The following PKN2 variants were observed in gnomAD, a reference collection of about 807,000 sequenced individuals.
PKN2 encodes protein kinase N2, also known as serine/threonine-protein kinase N2.
Under a neutral mutation model 119.1 loss-of-function variants are expected in PKN2, and 38 were observed. That is an observed-to-expected ratio of 0.32 (90% CI 0.25 to 0.42). The LOEUF is 0.42. Among genes scored for constraint, PKN2 ranks in the 10% least tolerant of loss-of-function variants. PKN2 has a pLI of 1.00. For synonymous variants in PKN2, 390 were observed against 384.9 expected (o/e 1.01, Z -0.15); for missense variants, 850 against 1,165.1 (o/e 0.73, Z 3.94).
rs1457259772 is a variant in PKN2 at position 88,836,048 on chromosome 1, A to G, written c.*2600A>G. ...CAGTAGCATCTTTTATTTGAAGCAT[A>G]TTTATGGACTGCTTACTGTGTATAG... On this transcript the variant is annotated 3_prime_UTR_variant, in exon 22 of 22. Coordinates refer to ENST00000370521, the MANE Select transcript of PKN2 (RefSeq NM_006256.4). 1.3e-5 allele frequency: 2 copies of G among 151,988 alleles called. No homozygotes were observed. Among genetic ancestry groups the G allele is most frequent in the Non-Finnish European group, 2.9e-5 (2 of 67,960 alleles). 9.4% of individuals were successfully genotyped at this position (151,988 alleles called of 1,614,324 possible).
intron 1 of PKN2, among the ~76,000 whole-genome samples, chr1:88,702,700 A>G (rs1666820126): frequency 6.6e-6 from 1 of 152,234 alleles, no homozygotes; most frequent in Non-Finnish European, 1.5e-5. Context: ...ATGATGAAAG[A>G]TAATTTAAGT....
intron 1 of PKN2, among the ~76,000 whole-genome samples, chr1:88,727,881 C>T (rs545920315): frequency 6.6e-6 from 1 of 152,326 alleles, no homozygotes; most frequent in Admixed American, 6.5e-5. Context: ...CCCCACTCAG[C>T]ACCCTCTAAC....
intron 8 of PKN2, among the ~76,000 whole-genome samples, chr1:88,790,607 C>A (rs1424699687): frequency 6.6e-6 from 1 of 152,006 alleles, no homozygotes; most frequent in East Asian, 1.9e-4. Flanking sequence ...AAGATTTTAT[C>A]TTTTTTTCCC....
At chr1:88,787,727 A>G (rs1034218149) in intron 8 of PKN2, among the ~76,000 whole-genome samples, 7 of 152,324 alleles carry the variant, frequency 4.6e-5, no homozygotes, top group African/African-American at 7.2e-5. Flanking sequence ...TTTCGCCTCA[A>G]TGGCATCAGG....
chr1:88,807,704 A>C lies in PKN2; in HGVS notation c.2031A>C (p.Lys677Asn). ...TTCAGGTGCTTTTAGCTGAATATAA[A>C]AACACAAATGAGATGTTTGCTATAA... ...HFGKVLLAEY[K>N]NTNEMFAIKA... The change falls in exon 15 of 22, where the codon AAA becomes AAC. Residue 677 changes from lysine (K) to asparagine (N), a missense_variant. Lys to Asn is a moderately conservative substitution (Grantham distance 94, BLOSUM62 0). This residue lies in a region of PKN2 where 216 missense variants were observed against 252.8 expected (regional missense o/e 0.85). Coordinates refer to ENST00000370521, the MANE Select transcript of PKN2 (RefSeq NM_006256.4). The C allele has an allele frequency of 6.2e-7, 1 of 1,601,268 alleles. No homozygotes were observed. Among genetic ancestry groups the C allele is most frequent in the Non-Finnish European group, 8.5e-7 (1 of 1,172,184 alleles).
chr1:88,730,930 TC>T (rs1170653994), intron 1 of PKN2, among the ~76,000 whole-genome samples: 17 of 152,354 alleles, frequency 1.1e-4, no homozygotes, highest in Middle Eastern at 3.4e-3. Context: ...CTTCATTATT[TC>T]CATAACACAA....
At chr1:88,832,929 C>T in intron 20 of PKN2, 78 bp downstream of exon 20, 2 of 1,200,374 alleles carry the variant, frequency 1.7e-6, no homozygotes, top group Non-Finnish European at 2.4e-6. Context: ...CCCAGTAGAA[C>T]TTTAAAAGCT....
At chr1:88,760,192 T>C (rs1268275207) in intron 2 of PKN2, 30 bp from the exon 3 acceptor site, 1 of 1,245,196 alleles carries the variant, frequency 8.0e-7, no homozygotes, top group African/African-American at 1.5e-5. Context: ...TTCATTCTAA[T>C]AAGTAATTTT....
At chr1:88,728,658 C>T (rs974375664) in intron 1 of PKN2, among the ~76,000 whole-genome samples, 4 of 152,112 alleles carry the variant, frequency 2.6e-5, no homozygotes, top group Middle Eastern at 3.4e-3. Flanking sequence ...TCCTGCTATA[C>T]GTTTTACTGG....
At chr1:88,762,423 T>C (rs955351412) in intron 3 of PKN2, among the ~76,000 whole-genome samples, 9 of 152,238 alleles carry the variant, frequency 5.9e-5, no homozygotes, top group African/African-American at 2.2e-4. Flanking sequence ...CTGTCTAGAT[T>C]CCACCTTAAC....
chr1:88,706,004 A>G (rs572021093), intron 1 of PKN2, among the ~76,000 whole-genome samples: 1 of 151,158 alleles, frequency 6.6e-6, no homozygotes, highest in South Asian at 2.1e-4. Flanking sequence ...AATTTTTAAA[A>G]CCGGCTTGCC....
chr1:88,690,051 T>C (rs895191300), intron 1 of PKN2, among the ~76,000 whole-genome samples: 1 of 152,232 alleles, frequency 6.6e-6, no homozygotes, highest in African/African-American at 2.4e-5. Context: ...CTAGTGTTAC[T>C]AAATGATGGC....
At chr1:88,688,724 A>G (rs1666212323) in intron 1 of PKN2, among the ~76,000 whole-genome samples, 2 of 152,186 alleles carry the variant, frequency 1.3e-5, no homozygotes, top group Admixed American at 1.3e-4. Context: ...AAGATTTAAC[A>G]TTACTCTGTA....
intron 2 of PKN2, among the ~76,000 whole-genome samples, chr1:88,758,573 T>A (rs1348850261): frequency 1.3e-5 from 2 of 152,144 alleles, no homozygotes; most frequent in Admixed American, 1.3e-4. Context: ...GTTGTTCTCC[T>A]CTATGTGTCC....
Position 88,807,692 on chromosome 1 carries a change from A to T in PKN2, c.2019A>T (p.Leu673Phe). The change falls in exon 15 of 22, where the codon TTA becomes TTT. Residue 673 changes from leucine (L) to phenylalanine (F), a missense_variant. Leu to Phe is a conservative substitution (Grantham distance 22). Around this residue, in one of 9 missense-constraint regions of PKN2, gnomAD observed 216 missense variants for 252.8 expected, o/e 0.85. Coordinates refer to ENST00000370521, the MANE Select transcript of PKN2 (RefSeq NM_006256.4). ...LGRGHFGKVL[L>F]AEYKNTNEMF... ...TTTTAATTTTATTTCAGGTGCTTTT[A>T]GCTGAATATAAAAACACAAATGAGA... 6.3e-7 allele frequency: 1 copy of T among 1,590,670 alleles called. No individual in the cohort carries two copies. Among genetic ancestry groups the T allele is most frequent in the Non-Finnish European group, 8.6e-7 (1 of 1,165,416 alleles).
At chr1:88,695,828 A>G (rs1052058904) in intron 1 of PKN2, among the ~76,000 whole-genome samples, 1 of 152,174 alleles carries the variant, frequency 6.6e-6, no homozygotes, top group African/African-American at 2.4e-5. Context: ...TGGCTTAAAA[A>G]TAAGTTAACG....
chr1:88,805,408 TA>T, intron 10 of PKN2, 88 bp from the exon 11 acceptor site: 1 of 1,181,360 alleles, frequency 8.5e-7, no homozygotes, highest in Non-Finnish European at 1.2e-6. Flanking sequence ...TCGTAGATTA[TA>T]AACTAATGGA....
intron 8 of PKN2, among the ~76,000 whole-genome samples, chr1:88,801,558 G>A (rs1360450683): frequency 6.6e-6 from 1 of 152,168 alleles, no homozygotes; most frequent in African/African-American, 2.4e-5. Flanking sequence ...AAGTGGTGGA[G>A]TACTAACATA....
intron 1 of PKN2, among the ~76,000 whole-genome samples, chr1:88,736,551 G>GA (rs1443668614): frequency 6.6e-6 from 1 of 152,066 alleles, no homozygotes; most frequent in East Asian, 1.9e-4. Flanking sequence ...TTTTAGTAGA[G>GA]ACAGGGTTTT....
Sources: gnomAD v4.1 joint callset for allele counts (sites outside exome capture counted in the v4.1 genomes callset) on GRCh38, gnomAD v4.1.1 for gene constraint, gnomAD v4.1.1 regional missense constraint, MANE v1.5 for transcripts, NCBI Gene and HGNC (gene_info 2026-07-23, HGNC 2026-07-21) for gene names.